SCRIB: variants seen among roughly 807,000 people sequenced by gnomAD.
SCRIB encodes the protein scribble planar cell polarity protein, also known as protein scribble homolog.
In SCRIB, 72 loss-of-function variants were observed where a neutral mutation model predicts 170.0. The observed-to-expected ratio is 0.42, with a 90% CI of 0.35 to 0.52. The LOEUF (loss-of-function observed/expected upper bound fraction) is 0.52, where lower values mean the gene tolerates loss of function less well. Ranked by LOEUF, SCRIB falls within the 20% of genes least tolerant of loss-of-function variation. SCRIB has a pLI of 0.02. For synonymous variants in SCRIB, 1,298 were observed against 1,044.3 expected (o/e 1.24, Z -4.68); for missense variants, 2,475 against 2,338.5 (o/e 1.06, Z -1.20).
chr8:143,791,826 CA>C (rs367554617), intron 34 of SCRIB, 49 bp downstream of exon 34: 99,846 of 1,041,120 alleles, frequency 0.096, 2,497 homozygotes, highest in African/African-American at 0.18. Flanking sequence ...GGCCAGACCC[CA>C]CCCCCATGCC....
chr8:143,809,461 C>G (rs1000632758), intron 14 of SCRIB, 90 bp downstream of exon 14: 1 of 1,433,124 alleles, frequency 7.0e-7, no homozygotes, highest in Admixed American at 1.8e-5. Flanking sequence ...GCACTGCCTG[C>G]ACCAAAACCG....
chr8:143,798,265 A>C (rs373918781), intron 24 of SCRIB, among the ~76,000 whole-genome samples: 12 of 152,202 alleles, frequency 7.9e-5, no homozygotes, highest in East Asian at 5.8e-4. Context: ...CAAAAAAAAA[A>C]CAAAAAACAG....
rs1554633569 is a variant in SCRIB, at chr8:143,793,930, A to G, written c.3879T>C (p.Ala1293=). Residue 1293 remains alanine, a synonymous_variant, in exon 28 of 37, where the codon GCT becomes GCC. Coordinates refer to ENST00000356994, the MANE Select transcript of SCRIB (RefSeq NM_182706.5). ...VPSGAAGGKM[A]ESPCSPSGQQ... ...GGCCACTAGGGGAGCAGGGAGATTCAGCCATCTTCCCTCCAGCTGCTCCAG... is the reference window on the plus strand; with the variant it reads ...GGCCACTAGGGGAGCAGGGAGATTCGGCCATCTTCCCTCCAGCTGCTCCAG... 6.2e-7 allele frequency: 1 copy of G among 1,613,538 alleles called. No individual in the cohort carries two copies. Among genetic ancestry groups the G allele is most frequent in the South Asian group, 1.1e-5 (1 of 91,070 alleles).
intron 24 of SCRIB, among the ~76,000 whole-genome samples, chr8:143,796,889 C>G (rs920885299): frequency 2.6e-5 from 4 of 152,202 alleles, no homozygotes; most frequent in Non-Finnish European, 5.9e-5. Context: ...AAAAGGCAGA[C>G]CCGGGTGCTG....
In SCRIB at chr8:143,811,015, T is replaced by C. The variant is rs1361887386; in HGVS notation, c.1164A>G (p.Ala388=). The C allele has an allele frequency of 1.9e-6, 3 of 1,611,758 alleles. No homozygotes were observed. Among genetic ancestry groups the C allele is most frequent in the Admixed American group, 1.7e-5 (1 of 59,850 alleles). Residue 388 remains alanine (A), a synonymous_variant, in exon 11 of 37, where the codon GCA becomes GCG. Coordinates refer to ENST00000356994, the MANE Select transcript of SCRIB (RefSeq NM_182706.5). ...GGAGCATGGGCTGCGCCTGGTTCTC[T>C]GCCAGCCACAGGGCCTTGAGATTGA... ...THLNLKALWL[A]ENQAQPMLRF... is the part of the protein sequence containing the mutation.
Position 143,803,830 on chromosome 8 carries a change from G to A in SCRIB, c.3231C>T (p.Ala1077=), listed in dbSNP as rs1382802234. 4.4e-6 allele frequency: 7 copies of A among 1,603,980 alleles called. No individual in the cohort carries two copies. Among genetic ancestry groups the A allele is most frequent in the African/African-American group, 2.7e-5 (2 of 74,902 alleles). The change falls in exon 23 of 37, where the codon GCC becomes GCT. Residue 1077 remains alanine, a synonymous_variant. Transcript: ENST00000356994. The part of the protein sequence containing the change: ...RDATHQEAVS[A]LLRPCLELSL... ...ACAGCTCCAGGCAGGGCCGGAGCAGGGCACTGACTGCTTCTTGGTGCGTGG... is the reference window on the plus strand; with the variant it reads ...ACAGCTCCAGGCAGGGCCGGAGCAGAGCACTGACTGCTTCTTGGTGCGTGG...
chr8:143,792,747 C>A lies in SCRIB; in HGVS notation c.4138G>T (p.Val1380Leu), dbSNP rs151186632. The change falls in exon 30 of 37, where the codon GTG becomes TTG. Residue 1380 changes from valine to leucine, a missense_variant. Val to Leu is a conservative substitution (Grantham distance 32). This residue lies in a region of SCRIB where 1,966 missense variants were observed against 1,742.9 expected (regional missense o/e 1.13). Transcript: ENST00000356994. ...ATCTTCCGCAGGTCGTCAGCACCCA[C>A]CAGGGACACGCGCTTAGGGGGGCCC... ...AEGPPKRVSL[V>L]GADDLRKMQE... is the part of the protein sequence containing the mutation. The A allele has an allele frequency of 1.9e-4, 303 of 1,592,236 alleles. No individual in the cohort carries two copies. The highest frequency in any genetic ancestry group is 3.1e-4 in the Admixed American group (18 of 58,154).
At position 143,808,840 on chromosome 8, in the gene SCRIB, C is replaced by T. The variant is rs1554637303; in HGVS notation, c.1884G>A (p.Leu628=). Residue 628 remains leucine (L), a synonymous_variant, in exon 15 of 37, where the codon CTG becomes CTA. Coordinates refer to ENST00000356994, the MANE Select transcript of SCRIB (RefSeq NM_182706.5). Reference sequence around the variant, plus strand: ...CCCCATCAGGCTGCATGCCCTGCAGCAGAGCCACAACGGCCTCGGGCTGGG... The same window carrying T: ...CCCCATCAGGCTGCATGCCCTGCAGTAGAGCCACAACGGCCTCGGGCTGGG... ...KLPQPEAVVA[L]LQGMQPDGEG... 2 of 1,611,392 alleles carry T rather than the reference C, an allele frequency of 1.2e-6. No individual in the cohort carries two copies. Among genetic ancestry groups the T allele is most frequent in the Non-Finnish European group, 1.7e-6 (2 of 1,179,826 alleles).
chr8:143,794,833 G>A (rs997106221), intron 27 of SCRIB, among the ~76,000 whole-genome samples: 15 of 152,140 alleles, frequency 9.9e-5, no homozygotes, highest in African/African-American at 3.6e-4. Context: ...GTGTGTGGGT[G>A]GGGCAGCACC....
At position 143,803,897 on chromosome 8, in the gene SCRIB, C is replaced by A; in HGVS notation, c.3164G>T (p.Gly1055Val). 1 of 1,594,096 alleles carries A rather than the reference C, an allele frequency of 6.3e-7. No individual in the cohort carries two copies. The highest frequency in any genetic ancestry group is 2.3e-5 in the East Asian group (1 of 44,098). Residue 1055 changes from glycine to valine, a missense_variant, in exon 23 of 37, where the codon GGG becomes GTG. Physicochemically the swap from Gly to Val is moderately radical, Grantham distance 109 (BLOSUM62 -3). This residue lies in a region of SCRIB where 1,966 missense variants were observed against 1,742.9 expected (regional missense o/e 1.13). Coordinates refer to ENST00000356994, the MANE Select transcript of SCRIB (RefSeq NM_182706.5). ...CCCGTTCACTGCCAGGATGCGGTCC[C>A]CAACCCGCAGGCCGCTGCGAGCGGC... is the stretch of plus-strand genomic sequence containing the variant. ...GLAARSGLRV[G>V]DRILAVNGQD...
intron 13 of SCRIB, among the ~76,000 whole-genome samples, chr8:143,810,231 G>A (rs941677236): frequency 2.0e-5 from 3 of 151,878 alleles, no homozygotes; most frequent in African/African-American, 7.3e-5. Context: ...TGTGCTCCCA[G>A]GCACACCCAC....
At chr8:143,802,103 A>G (rs544913324) in intron 24 of SCRIB, among the ~76,000 whole-genome samples, 1 of 152,366 alleles carries the variant, frequency 6.6e-6, no homozygotes, top group African/African-American at 2.4e-5. Context: ...AATAAAAGGC[A>G]AGGCCCTCTC....
chr8:143,792,393 C>A lies in SCRIB; in HGVS notation c.4341G>T (p.Ala1447=), dbSNP rs372185549. The change falls in exon 32 of 37, where the codon GCG becomes GCT. Residue 1447 remains alanine, a synonymous_variant. Transcript: ENST00000356994. ...CGCCACCTCCCAGGGGTGGGGGGGA[C>A]GCCGGGCTCTGCCTGGGGAAGGGAC... The part of the protein sequence containing the change: ...SPSPTSRQSP[A]SPPPLGGGAP... The A allele has an allele frequency of 3.3e-6, 5 of 1,501,018 alleles. No individual in the cohort carries two copies. The highest frequency in any genetic ancestry group is 4.4e-6 in the Non-Finnish European group (5 of 1,129,204). 93.0% of individuals were successfully genotyped at this position (1,501,018 alleles called of 1,614,324 possible).
At position 143,812,261 on chromosome 8, in the gene SCRIB, C is replaced by G. The variant is rs765877309; in HGVS notation, c.906+5G>C. On this transcript the variant is annotated splice_donor_5th_base_variant and intron_variant, in intron 9 of 36. Transcript: ENST00000356994. ...ATCCTTTCTGCCTCCCAAGCCAGAC[C>G]CTACCATCAGCAGGTTCTCCGTGAG... 7 of 1,587,126 alleles carry G rather than the reference C, an allele frequency of 4.4e-6. No homozygotes were observed. In the South Asian group the frequency reaches 6.6e-5, roughly 15 times the overall value.
At chr8:143,815,093 G>A (rs1816008363) in intron 1 of SCRIB, 121 bp downstream of exon 1, 2 of 1,182,586 alleles carry the variant, frequency 1.7e-6, no homozygotes, top group Non-Finnish European at 2.2e-6. Flanking sequence ...TGGGGACCTG[G>A]CCAGTGCAAA....
Position 143,791,658 on chromosome 8 carries a change from C to T in SCRIB, c.4770+8G>A, listed in dbSNP as rs1289052874. ...TGGCAGGCATGCAGAGGCCTGGAGGCCAGGTACCTGGATGTCATAGACAGG... is the reference window on the plus strand; with the variant it reads ...TGGCAGGCATGCAGAGGCCTGGAGGTCAGGTACCTGGATGTCATAGACAGG... On this transcript the variant is annotated splice_region_variant and intron_variant, in intron 35 of 36. Transcript: ENST00000356994. 6 of 1,602,368 alleles carry T rather than the reference C, an allele frequency of 3.7e-6. No individual in the cohort carries two copies. In the South Asian group the frequency reaches 4.4e-5, roughly 12 times the overall value.
chr8:143,791,790 G>T (rs565336651), intron 34 of SCRIB, 50 bp from the exon 35 acceptor site: 6 of 1,486,550 alleles, frequency 4.0e-6, no homozygotes, highest in Non-Finnish European at 5.6e-6. Context: ...GGAAAGGGGG[G>T]GATGAGGGCC....
intron 24 of SCRIB, among the ~76,000 whole-genome samples, chr8:143,801,282 C>A (rs1334117909): frequency 6.6e-6 from 1 of 152,098 alleles, no homozygotes; most frequent in Non-Finnish European, 1.5e-5. Context: ...GCGCAGGAGG[C>A]GGAGGCTGCA....
Position 143,810,489 on chromosome 8 carries a change from G to C in SCRIB, c.1520C>G (p.Pro507Arg). The stretch of plus-strand genomic sequence containing the variant: ...TGGCTCCATGCCCACCTCCTCTGCA[G>C]GCAAGGGCGACCCAGAGTCTGGCTG... Reference protein sequence around the residue: ...PCQPDSGSPLPAEEEKRLSAE... With the variant: ...PCQPDSGSPLRAEEEKRLSAE... Residue 507 changes from proline to arginine, a missense_variant, in exon 13 of 37, where the codon CCT (proline) becomes CGT (arginine). Transcript: ENST00000356994. The C allele has an allele frequency of 1.2e-6, 2 of 1,608,930 alleles. No homozygotes were observed. Among genetic ancestry groups the C allele is most frequent in the Admixed American group, 1.7e-5 (1 of 60,016 alleles).
Sources: gnomAD v4.1 joint callset for allele counts (sites outside exome capture counted in the v4.1 genomes callset) on GRCh38, gnomAD v4.1.1 for gene constraint, gnomAD v4.1.1 regional missense constraint, MANE v1.5 for transcripts, NCBI Gene and HGNC (gene_info 2026-07-23, HGNC 2026-07-21) for gene names.